Variants in SMIM36 observed in about 807,000 individuals in gnomAD.
SMIM36 encodes the protein small integral membrane protein 36.
At chr17:55,523,751 A>C in the SMIM36 span, among the ~76,000 whole-genome samples, 64 of 152,276 alleles carry the variant, frequency 4.2e-4, no homozygotes, top group South Asian at 0.012. Flanking sequence ...AGCTTCAGGG[A>C]AAAGTAATAT....
chr17:55,501,664 A>C (rs2144718621), intron 1 of SMIM36, among the ~76,000 whole-genome samples: 1 of 144,714 alleles, frequency 6.9e-6, no homozygotes, highest in Admixed American at 7.3e-5. Context: ...TTGAATATAT[A>C]ATATATATAT....
At chr17:55,498,505 AT>A (rs961009270) in intron 1 of SMIM36, among the ~76,000 whole-genome samples, 4 of 151,390 alleles carry the variant, frequency 2.6e-5, no homozygotes, top group African/African-American at 4.9e-5. Flanking sequence ...TAGTGGCCTC[AT>A]TTTTTTTGAA....
chr17:55,455,001 T>TATCTG (rs1555619655), intron 4 of SMIM36, among the ~76,000 whole-genome samples: 2 of 152,220 alleles, frequency 1.3e-5, no homozygotes, highest in Admixed American at 6.5e-5. Flanking sequence ...TAGAGAGAAC[T>TATCTG]ATCTGTGCAC....
chr17:55,471,478 C>T (rs1011167448), intron 3 of SMIM36, among the ~76,000 whole-genome samples: 3 of 152,132 alleles, frequency 2.0e-5, no homozygotes, highest in Non-Finnish European at 4.4e-5. Context: ...TTCCTGCAGA[C>T]CATGTTCAGT....
the SMIM36 span, among the ~76,000 whole-genome samples, chr17:55,530,782 C>CAA: frequency 1.6e-4 from 24 of 149,790 alleles, no homozygotes; most frequent in African/African-American, 5.4e-4. Context: ...GACTCCGCCT[C>CAA]AAAAAAAAAT....
At chr17:55,473,373 C>T (rs1013603348) in intron 3 of SMIM36, among the ~76,000 whole-genome samples, 1 of 152,132 alleles carries the variant, frequency 6.6e-6, no homozygotes, top group East Asian at 1.9e-4. Flanking sequence ...TTGTTTGGAT[C>T]GACACCTCCA....
intron 4 of SMIM36, among the ~76,000 whole-genome samples, chr17:55,456,914 T>C (rs1432070267): frequency 6.6e-6 from 1 of 152,218 alleles, no homozygotes; most frequent in Non-Finnish European, 1.5e-5. Context: ...AAATAGGCCA[T>C]GCCCTTTAGT....
chr17:55,522,675 G>A, the SMIM36 span, among the ~76,000 whole-genome samples: 1 of 152,130 alleles, frequency 6.6e-6, no homozygotes, highest in African/African-American at 2.4e-5. Flanking sequence ...TTTGAGGTGA[G>A]GTTTGGGTGG....
intron 4 of SMIM36, among the ~76,000 whole-genome samples, chr17:55,460,765 G>A (rs1187584434): frequency 6.6e-6 from 1 of 152,164 alleles, no homozygotes; most frequent in Non-Finnish European, 1.5e-5. Flanking sequence ...GGCTGAGGCA[G>A]GAGAATGGCG....
the SMIM36 span, among the ~76,000 whole-genome samples, chr17:55,518,456 G>T: frequency 1.3e-5 from 2 of 152,140 alleles, no homozygotes; most frequent in African/African-American, 2.4e-5. Flanking sequence ...GACCAACTAG[G>T]TTTAAAGCTG....
chr17:55,505,312 A>G (rs1267640211), intron 1 of SMIM36, among the ~76,000 whole-genome samples: 1 of 75,946 alleles, frequency 1.3e-5, no homozygotes, highest in Admixed American at 1.3e-4. Flanking sequence ...ATGAACATCG[A>G]TGCAAAAATC....
chr17:55,488,897 CCATCATCATCATCAT>C (rs59012291), intron 1 of SMIM36, among the ~76,000 whole-genome samples: 2 of 150,726 alleles, frequency 1.3e-5, no homozygotes, highest in Non-Finnish European at 3.0e-5. Flanking sequence ...TACTCATTTT[CCATCATCATCATCAT>C]CATCATCATC....
chr17:55,459,306 C>G lies in SMIM36; in HGVS notation c.*531+7839G>C, dbSNP rs996878111. On this transcript the variant is annotated intron_variant, in intron 4 of 4. Coordinates refer to ENST00000636752, the Ensembl canonical transcript of SMIM36. Reference sequence around the variant, plus strand: ...TCTAGGTGACCTGGGCTTGAGTCATCTCTCCAGAGAGTCATTGGATCAAAT... The same window carrying G: ...TCTAGGTGACCTGGGCTTGAGTCATGTCTCCAGAGAGTCATTGGATCAAAT... Among the ~76,000 whole-genome samples the G allele has an allele frequency of 2.6e-5, 4 of 152,338 alleles. No homozygotes were observed. The South Asian group carries it at 6.2e-4, about 24-fold the overall frequency.
chr17:55,490,896 T>C (rs371308818), intron 1 of SMIM36, among the ~76,000 whole-genome samples: 60 of 148,522 alleles, frequency 4.0e-4, no homozygotes, highest in Non-Finnish European at 6.3e-4. Context: ...TTTTTTTTTT[T>C]CTCTACACTT....
chr17:55,499,290 G>A (rs2144714650), intron 1 of SMIM36, among the ~76,000 whole-genome samples: 1 of 152,290 alleles, frequency 6.6e-6, no homozygotes, highest in Middle Eastern at 3.4e-3. Flanking sequence ...GCAGAGGAGA[G>A]AGATGGGGTT....
rs144282764 is a variant in SMIM36 at position 55,478,005 on chromosome 17, G to A, written c.*347+757C>T. On this transcript the variant is annotated intron_variant, in intron 3 of 4. Coordinates refer to ENST00000636752, the Ensembl canonical transcript of SMIM36. ...AGGGAGATAAGGCTCTGCCAGCATG[G>A]GCAACATGGTGAGATCCTGTCTCTA... is the stretch of plus-strand genomic sequence containing the variant. 2.3e-3 allele frequency among the ~76,000 whole-genome samples: 356 copies of A among 152,006 alleles called. 1 individual carries two copies. Among genetic ancestry groups the A allele is most frequent in the Admixed American group, 3.5e-3 (53 of 15,274 alleles).
intron 1 of SMIM36, among the ~76,000 whole-genome samples, chr17:55,481,544 CAAG>C (rs1363970339): frequency 6.6e-6 from 1 of 152,162 alleles, no homozygotes; most frequent in Non-Finnish European, 1.5e-5. Context: ...TCTGAATCAT[CAAG>C]AAGGCTAGAT....
rs117122869 is a variant in SMIM36, at chr17:55,451,306, A to G, written c.*532-1008T>C. Among the ~76,000 whole-genome samples the G allele has an allele frequency of 7.5e-3, 1,136 of 152,278 alleles. 5 individuals are homozygous for G. Among genetic ancestry groups the G allele is most frequent in the Non-Finnish European group, 0.013 (875 of 68,014 alleles). On this transcript the variant is annotated intron_variant, in intron 4 of 4. Coordinates refer to ENST00000636752, the Ensembl canonical transcript of SMIM36. ...TCATTTTCTACCAGTGTCTCCATCCATCACCCTCCTTCAGCACCTCCAGCT... is the reference window on the plus strand; with the variant it reads ...TCATTTTCTACCAGTGTCTCCATCCGTCACCCTCCTTCAGCACCTCCAGCT...
At chr17:55,501,088 C>CATATTTTATATTATAATATATGATATA (rs1909931795) in intron 1 of SMIM36, among the ~76,000 whole-genome samples, 1 of 134 alleles carries the variant, frequency 7.5e-3, no homozygotes, top group Non-Finnish European at 0.014. Flanking sequence ...ATATAATATA[C>CATATTTTATATTATAATATATGATATA]TATTATATTT....
Sources: gnomAD v4.1 joint callset for allele counts (sites outside exome capture counted in the v4.1 genomes callset) on GRCh38, gnomAD v4.1.1 for gene constraint, MANE v1.5 for transcripts, NCBI Gene and HGNC (gene_info 2026-07-23, HGNC 2026-07-21) for gene names.